Variants in NFKB1 observed in about 807,000 individuals in gnomAD.
The protein encoded by NFKB1 is nuclear factor kappa B subunit 1, also known as nuclear factor NF-kappa-B p105 subunit.
A neutral mutation model predicts 105.1 loss-of-function variants in NFKB1; 9 were observed. The ratio of observed to expected loss-of-function variants is 0.09; its 90% CI spans 0.05 to 0.15. The LOEUF (loss-of-function observed/expected upper bound fraction) is 0.15, where lower values mean the gene tolerates loss of function less well. Among genes scored for constraint, NFKB1 ranks in the 10% least tolerant of loss-of-function variants. NFKB1 has a pLI of 1.00. For synonymous variants in NFKB1, 440 were observed against 442.2 expected (o/e 1.00, Z 0.06); for missense variants, 830 against 1,203.7 (o/e 0.69, Z 4.59).
chr4:102,510,791 C>A, intron 1 of NFKB1: 1 of 255,572 alleles, frequency 3.9e-6, no homozygotes, highest in Non-Finnish European at 6.7e-6. Context: ...TAGATTGATT[C>A]AAGGTCTCAC....
rs143383291 is a variant in NFKB1, at chr4:102,593,369, T to C, written c.1067-56T>C. On this transcript the variant is annotated intron_variant, in intron 11 of 23. Coordinates refer to ENST00000226574, the MANE Select transcript of NFKB1 (RefSeq NM_003998.4). Reference sequence around the variant, plus strand: ...TTAGAATCAGTGGTCTTTCTGTGGCTAGTGGTGGGACCAAATCAATCTTTT... The same window carrying C: ...TTAGAATCAGTGGTCTTTCTGTGGCCAGTGGTGGGACCAAATCAATCTTTT... The C allele has an allele frequency of 3.2e-4, 481 of 1,482,950 alleles. 2 individuals carry two copies. The East Asian group carries it at 8.7e-3, about 27-fold the overall frequency. 91.9% of individuals were successfully genotyped at this position (1,482,950 alleles called of 1,614,324 possible).
intron 1 of NFKB1, chr4:102,503,540 T>C (rs1739223927): frequency 6.6e-6 from 1 of 152,088 alleles, no homozygotes; most frequent in East Asian, 1.9e-4. Context: ...TCTATTATCT[T>C]TTTGCTGAAA....
intron 11 of NFKB1, among the ~76,000 whole-genome samples, chr4:102,591,209 G>A (rs1726139782): frequency 6.6e-6 from 1 of 152,160 alleles, no homozygotes; most frequent in Non-Finnish European, 1.5e-5. Flanking sequence ...CAGTGTACAA[G>A]AAACAACCTT....
chr4:102,593,871 T>C (rs546752514), intron 12 of NFKB1, among the ~76,000 whole-genome samples: 1 of 152,302 alleles, frequency 6.6e-6, no homozygotes, highest in Non-Finnish European at 1.5e-5. Context: ...AGTTGTCTTG[T>C]TTTTGTTTGG....
At chr4:102,606,183 G>A (rs1036552694) in intron 16 of NFKB1, among the ~76,000 whole-genome samples, 1 of 152,138 alleles carries the variant, frequency 6.6e-6, no homozygotes, top group African/African-American at 2.4e-5. Flanking sequence ...ATCATTTTAT[G>A]TTGTAAACTT....
chr4:102,599,609 T>C (rs188530184), intron 15 of NFKB1, among the ~76,000 whole-genome samples: 98 of 152,298 alleles, frequency 6.4e-4, no homozygotes, highest in African/African-American at 2.2e-3. Context: ...ATGTATCCCC[T>C]ATGCAGGATT....
At chr4:102,542,763 C>G (rs746607647) in intron 5 of NFKB1, among the ~76,000 whole-genome samples, 3 of 152,210 alleles carry the variant, frequency 2.0e-5, no homozygotes, top group Non-Finnish European at 4.4e-5. Flanking sequence ...TAGGTTCAAA[C>G]TGGACGCCAT....
intron 1 of NFKB1, among the ~76,000 whole-genome samples, chr4:102,507,296 C>T (rs1039428115): frequency 2.0e-5 from 3 of 152,070 alleles, no homozygotes; most frequent in African/African-American, 7.2e-5. Flanking sequence ...GTTCAGTCTG[C>T]AGCTTCTGGG....
chr4:102,528,011 T>G (rs962639416), intron 2 of NFKB1, among the ~76,000 whole-genome samples: 49 of 152,184 alleles, frequency 3.2e-4, no homozygotes, highest in African/African-American at 1.1e-3. Context: ...TTTTTCTTTC[T>G]TGGCTTGAGC....
intron 14 of NFKB1, 66 bp from the exon 15 acceptor site, chr4:102,597,454 A>G: frequency 2.0e-6 from 3 of 1,501,514 alleles, no homozygotes; most frequent in Non-Finnish European, 2.7e-6. Flanking sequence ...GTTTGTCCTT[A>G]AGCATGCCAT....
intron 1 of NFKB1, among the ~76,000 whole-genome samples, chr4:102,517,262 T>C (rs1258072412): frequency 6.6e-6 from 1 of 152,198 alleles, no homozygotes; most frequent in Non-Finnish European, 1.5e-5. Context: ...ATTTAGAATT[T>C]ACCTAAATCA....
In NFKB1 at chr4:102,611,521, C is replaced by G. The variant is rs145539652; in HGVS notation, c.2353-523C>G. Reference sequence around the variant, plus strand: ...CCTCGGCAGCTACAGAATAATTTTTCTTTTAGCCTAAGACAATTCTGGACC... The same window carrying G: ...CCTCGGCAGCTACAGAATAATTTTTGTTTTAGCCTAAGACAATTCTGGACC... On this transcript the variant is annotated intron_variant, in intron 20 of 23. Coordinates refer to ENST00000226574, the MANE Select transcript of NFKB1 (RefSeq NM_003998.4). Among the ~76,000 whole-genome samples the G allele has an allele frequency of 2.0e-5, 3 of 152,328 alleles. No individual in the cohort carries two copies. The East Asian group carries it at 5.8e-4, about 29-fold the overall frequency.
At chr4:102,565,003 T>A (rs780565045) in intron 5 of NFKB1, among the ~76,000 whole-genome samples, 2 of 152,188 alleles carry the variant, frequency 1.3e-5, no homozygotes, top group Non-Finnish European at 2.9e-5. Flanking sequence ...ATCAGCAATC[T>A]ATAGAGAGTA....
At chr4:102,522,603 C>G (rs1740641526) in intron 1 of NFKB1, among the ~76,000 whole-genome samples, 1 of 152,166 alleles carries the variant, frequency 6.6e-6, no homozygotes, top group South Asian at 2.1e-4. Flanking sequence ...AGAGTGAGGA[C>G]TGCTTTATGT....
chr4:102,544,697 G>A (rs1468745231), intron 5 of NFKB1, among the ~76,000 whole-genome samples: 2 of 152,000 alleles, frequency 1.3e-5, no homozygotes, highest in African/African-American at 2.4e-5. Flanking sequence ...TTTTTAAATA[G>A]CCCTCTAAAT....
Position 102,597,565 on chromosome 4 carries a change from C to T in NFKB1, c.1541C>T (p.Ala514Val). 6.2e-7 allele frequency: 1 copy of T among 1,613,634 alleles called. No individual in the cohort carries two copies. Among genetic ancestry groups the T allele is most frequent in the African/African-American group, 1.3e-5 (1 of 75,036 alleles). The change falls in exon 15 of 24, where the codon GCC (alanine) becomes GTC (valine). Residue 514 changes from alanine to valine, a missense_variant. Coordinates refer to ENST00000226574, the MANE Select transcript of NFKB1 (RefSeq NM_003998.4). ...EKAMQLAKRHANALFDYAVTG... is the reference protein window; with the variant it reads ...EKAMQLAKRHVNALFDYAVTG... The stretch of plus-strand genomic sequence containing the variant: ...GCTATGCAGCTTGCAAAGAGGCATG[C>T]CAATGCCCTTTTCGACTACGCGGTG...
At chr4:102,590,955 C>T (rs1204857849) in intron 11 of NFKB1, among the ~76,000 whole-genome samples, 1 of 152,136 alleles carries the variant, frequency 6.6e-6, no homozygotes, top group Non-Finnish European at 1.5e-5. Flanking sequence ...TCCCTTTTAC[C>T]AAAGCCTAAT....
At chr4:102,550,094 G>A (rs230516) in intron 5 of NFKB1, among the ~76,000 whole-genome samples, 106,638 of 151,870 alleles carry the variant, frequency 0.7, 38,182 homozygotes, top group African/African-American at 0.83. Context: ...ATTAAAATTA[G>A]CATCAGTATG....
intron 5 of NFKB1, among the ~76,000 whole-genome samples, chr4:102,546,721 A>G (rs756937090): frequency 1.3e-5 from 2 of 152,124 alleles, no homozygotes; most frequent in African/African-American, 2.4e-5. Context: ...GGCCTTTCCA[A>G]TCTGAGGAAT....
Sources: gnomAD v4.1 joint callset for allele counts (sites outside exome capture counted in the v4.1 genomes callset) on GRCh38, gnomAD v4.1.1 for gene constraint, MANE v1.5 for transcripts, NCBI Gene and HGNC (gene_info 2026-07-23, HGNC 2026-07-21) for gene names.